Variants in BTD observed in about 807,000 individuals in gnomAD.
BTD encodes the protein biotinidase, also known as biocytinase.
A neutral mutation model predicts 17.7 loss-of-function variants in BTD; 13 were observed. That is an observed-to-expected ratio of 0.74 (90% CI 0.48 to 1.17). BTD has a LOEUF of 1.17. Among genes scored for constraint, BTD ranks in the 50% most tolerant of loss-of-function variants. The pLI is 0.00. For synonymous variants in BTD, 240 were observed against 245.2 expected (o/e 0.98, Z 0.20); for missense variants, 674 against 650.4 (o/e 1.04, Z -0.39).
intron 3 of BTD, among the ~76,000 whole-genome samples, chr3:15,702,822 C>T (rs2070803819): frequency 6.6e-6 from 1 of 152,140 alleles, no homozygotes; most frequent in African/African-American, 2.4e-5. Flanking sequence ...TACCACCCCC[C>T]ACCACCCCAC....
intron 3 of BTD, chr3:15,675,842 A>G (rs914075102): frequency 1.5e-6 from 2 of 1,367,462 alleles, no homozygotes; most frequent in Admixed American, 2.2e-5. Context: ...CTCTTCAAAT[A>G]TGGATCAAAA....
chr3:15,602,428 A>T (rs2064294112), intron 1 of BTD: 1 of 603,230 alleles, frequency 1.7e-6, no homozygotes, highest in Non-Finnish European at 2.1e-6. Context: ...GTCCCTACCT[A>T]CAACCAGCCC....
intron 3 of BTD, among the ~76,000 whole-genome samples, chr3:15,665,015 A>T (rs1359650524): frequency 5.3e-5 from 8 of 152,212 alleles, no homozygotes; most frequent in African/African-American, 1.7e-4. Flanking sequence ...AAAATGTTTT[A>T]AAAAATTAGT....
chr3:15,642,379 G>C, intron 3 of BTD: 1 of 709,132 alleles, frequency 1.4e-6, no homozygotes, highest in Non-Finnish European at 2.1e-6. Flanking sequence ...CCCTTGCTTA[G>C]AGAAACTGCC....
chr3:15,602,388 A>G (rs1008216113), intron 1 of BTD: 1 of 915,376 alleles, frequency 1.1e-6, no homozygotes, highest in African/African-American at 1.8e-5. Context: ...CAAAATTAGG[A>G]ACTATGGCGT....
In BTD at chr3:15,644,562, T is replaced by C. The variant is rs770075741; in HGVS notation, c.646T>C (p.Phe216Leu). ...KVDLITFDTP[F>L]AGRFGIFTCF... The stretch of plus-strand genomic sequence containing the variant: ...GGATCTCATCACCTTTGATACCCCC[T>C]TTGCTGGCAGGTTTGGCATCTTCAC... The change falls in exon 4 of 4, where the codon TTT becomes CTT. Residue 216 changes from phenylalanine to leucine, a missense_variant. Physicochemically the swap from Phe to Leu is conservative, Grantham distance 22 (BLOSUM62 0). Coordinates refer to ENST00000643237, the MANE Select transcript of BTD (RefSeq NM_001370658.1). 1 of 1,614,158 alleles carries C rather than the reference T, an allele frequency of 6.2e-7. No homozygotes were observed. Among genetic ancestry groups the C allele is most frequent in the South Asian group, 1.1e-5 (1 of 91,082 alleles).
intron 4 of BTD, among the ~76,000 whole-genome samples, chr3:15,718,328 G>C (rs1016976932): frequency 1.3e-5 from 2 of 152,168 alleles, no homozygotes; most frequent in African/African-American, 4.8e-5. Context: ...AACATCACAG[G>C]CTGTTGCTGT....
At chr3:15,603,463 C>T (rs2064343166) in intron 1 of BTD, among the ~76,000 whole-genome samples, 1 of 152,096 alleles carries the variant, frequency 6.6e-6, no homozygotes, top group African/African-American at 2.4e-5. Context: ...GGAGACCATC[C>T]TGGTCAACAC....
intron 3 of BTD, among the ~76,000 whole-genome samples, chr3:15,700,321 A>G (rs2070375571): frequency 6.6e-6 from 1 of 152,160 alleles, no homozygotes; most frequent in Non-Finnish European, 1.5e-5. Flanking sequence ...GGGGAGGGAT[A>G]GCATTAGGAT....
rs185595300 is a variant in BTD, at chr3:15,670,906, G to A, written c.399+28849G>A. On this transcript the variant is annotated intron_variant, in intron 3 of 3. Transcript: ENST00000672141. ...TCGTGAATATTCTTTCAGGATGGTA[G>A]GCAGAGATTTACTGTTAATTTGCAG... 1.1e-3 allele frequency among the ~76,000 whole-genome samples: 166 copies of A among 152,276 alleles called. No homozygotes were observed. The Middle Eastern group carries it at 0.017, about 16-fold the overall frequency.
chr3:15,632,866 G>T (rs934237746), intron 1 of BTD: 1 of 152,196 alleles, frequency 6.6e-6, no homozygotes, highest in East Asian at 1.9e-4. Context: ...TTCCTGAGAA[G>T]GTATGTGTGA....
chr3:15,694,531 T>C (rs1220218544), intron 3 of BTD, among the ~76,000 whole-genome samples: 2 of 151,896 alleles, frequency 1.3e-5, no homozygotes, highest in South Asian at 2.1e-4. Context: ...TTTTTTTTTT[T>C]CTAAAGCAAG....
Position 15,644,956 on chromosome 3 carries a change from G to A in BTD, c.1040G>A (p.Gly347Asp), listed in dbSNP as rs1303192101. ...SHSKFLKILS[G>D]DPYCEKDAQE... is the part of the protein sequence containing the mutation. The stretch of plus-strand genomic sequence containing the variant: ...AGTAAGTTTTTAAAAATTTTGTCAG[G>A]CGATCCGTACTGTGAGAAGGATGCT... Residue 347 changes from glycine (G) to aspartate (D), a missense_variant, in exon 4 of 4, where the codon GGC (glycine) becomes GAC (aspartate). Gly to Asp is a moderately conservative substitution (Grantham distance 94). Transcript: ENST00000643237. The A allele has an allele frequency of 2.5e-6, 4 of 1,614,176 alleles. No individual in the cohort carries two copies. Among genetic ancestry groups the A allele is most frequent in the Non-Finnish European group, 3.4e-6 (4 of 1,180,038 alleles).
At chr3:15,686,523 C>T in intron 3 of BTD, 1 of 563,912 alleles carries the variant, frequency 1.8e-6, no homozygotes. Context: ...ACATGACAGG[C>T]AGACCGCCTA....
At chr3:15,718,005 G>A (rs1307960881) in intron 4 of BTD, among the ~76,000 whole-genome samples, 1 of 151,980 alleles carries the variant, frequency 6.6e-6, no homozygotes, top group African/African-American at 2.4e-5. Flanking sequence ...AGAATATGAG[G>A]GTTAGTAAAT....
At chr3:15,668,537 G>A (rs1374027971) in intron 3 of BTD, 1 of 152,398 alleles carries the variant, frequency 6.6e-6, no homozygotes, top group Non-Finnish European at 1.5e-5. Context: ...TTAAAATCTA[G>A]TAGTCAATGC....
chr3:15,623,763 G>T (rs1037583101), intron 1 of BTD, among the ~76,000 whole-genome samples: 2 of 152,162 alleles, frequency 1.3e-5, no homozygotes, highest in African/African-American at 4.8e-5. Flanking sequence ...GTTTAAAAGC[G>T]TGTAGCACTT....
chr3:15,625,837 G>A (rs1017912472), intron 1 of BTD, among the ~76,000 whole-genome samples: 5 of 152,226 alleles, frequency 3.3e-5, no homozygotes, highest in Non-Finnish European at 7.3e-5. Context: ...TTACAGGCGT[G>A]AGCCACCACG....
chr3:15,697,583 G>T lies in BTD; in HGVS notation c.400-12477G>T, dbSNP rs561467681. 3.3e-5 allele frequency among the ~76,000 whole-genome samples: 5 copies of T among 152,056 alleles called. No individual in the cohort carries two copies. In the South Asian group the frequency reaches 1.0e-3, roughly 32 times the overall value. On this transcript the variant is annotated intron_variant, in intron 3 of 3. Coordinates refer to the BTD transcript ENST00000672141. ...GATTTGCGTACGTTGAACCAGCCTT[G>T]CATCCCAGGGATGAAGCCGAGTTGA...
Sources: gnomAD v4.1 joint callset for allele counts (sites outside exome capture counted in the v4.1 genomes callset) on GRCh38, gnomAD v4.1.1 for gene constraint, MANE v1.5 for transcripts, NCBI Gene and HGNC (gene_info 2026-07-23, HGNC 2026-07-21) for gene names.